GABPB1: variants seen among roughly 807,000 people sequenced by gnomAD.
GABPB1 encodes GA binding protein transcription factor subunit beta 1, also known as GA-binding protein subunit beta-1.
Under a neutral mutation model 45.9 loss-of-function variants are expected in GABPB1, and 15 were observed. The observed-to-expected ratio is 0.33, with a 90% CI of 0.22 to 0.50. GABPB1 has a LOEUF of 0.50. GABPB1 is among the 20% of genes least tolerant of loss of function. The pLI is 0.98. For synonymous variants in GABPB1, 143 were observed against 154.4 expected (o/e 0.93, Z 0.55); for missense variants, 252 against 457.5 (o/e 0.55, Z 4.10).
intron 1 of GABPB1, among the ~76,000 whole-genome samples, chr15:50,326,982 C>A (rs1372441616): frequency 6.6e-6 from 1 of 152,184 alleles, no homozygotes. Flanking sequence ...GAAGGGGGCC[C>A]ATGGATTTTA....
At chr15:50,335,993 G>A (rs2048110700) in intron 1 of GABPB1, among the ~76,000 whole-genome samples, 2 of 151,260 alleles carry the variant, frequency 1.3e-5, no homozygotes. Context: ...ATGTACAGCT[G>A]ACCCTTTAAC....
At chr15:50,296,904 T>A (rs1335070518) in intron 6 of GABPB1, among the ~76,000 whole-genome samples, 2 of 141,184 alleles carry the variant, frequency 1.4e-5, no homozygotes, top group East Asian at 3.9e-4. Flanking sequence ...TTAACTTAAT[T>A]CTTTTTTTTT....
At chr15:50,320,463 A>C (rs1972700) in intron 1 of GABPB1, among the ~76,000 whole-genome samples, 74,865 of 151,868 alleles carry the variant, frequency 0.49, 19,503 homozygotes, top group Middle Eastern at 0.65. Context: ...CCACCACTCA[A>C]AGGCAATCCT....
At chr15:50,304,221 T>A in intron 2 of GABPB1, 88 bp from the exon 3 acceptor site, 1 of 1,092,750 alleles carries the variant, frequency 9.2e-7, no homozygotes, top group Non-Finnish European at 1.2e-6. Flanking sequence ...CTTTACATTA[T>A]CTGTTTACAT....
chr15:50,301,716 C>T (rs1168675661), intron 4 of GABPB1, among the ~76,000 whole-genome samples: 1 of 151,950 alleles, frequency 6.6e-6, no homozygotes, highest in Non-Finnish European at 1.5e-5. Flanking sequence ...GTGGTTAAGC[C>T]CAGGAGTTCA....
At position 50,277,368 on chromosome 15, in the gene GABPB1, C is replaced by T. The variant is rs1244191494; in HGVS notation, c.*1264G>A. 6.7e-6 allele frequency: 1 copy of T among 148,964 alleles called. No homozygotes were observed. The highest frequency in any genetic ancestry group is 2.0e-4 in the East Asian group (1 of 5,112). 9.2% of individuals were successfully genotyped at this position (148,964 alleles called of 1,614,324 possible). A position where few individuals can be genotyped will look rare whatever the true frequency, so the allele number is the denominator to read the frequency against. ...AACCTAGAGGGATTTCAGGGTTAAACAGTTCATAAAGCAATAAAACACTGA... is the reference window on the plus strand; with the variant it reads ...AACCTAGAGGGATTTCAGGGTTAAATAGTTCATAAAGCAATAAAACACTGA... On this transcript the variant is annotated 3_prime_UTR_variant, in exon 9 of 9. Transcript: ENST00000380877.
chr15:50,281,371 T>C (rs981187324), intron 8 of GABPB1, among the ~76,000 whole-genome samples: 13 of 132,574 alleles, frequency 9.8e-5, no homozygotes, highest in African/African-American at 1.5e-4. Flanking sequence ...GCCACCATGC[T>C]CAGCTAATTT....
intron 8 of GABPB1, chr15:50,282,230 T>C (rs2045999467): frequency 2.2e-6 from 1 of 449,054 alleles, no homozygotes; most frequent in South Asian, 1.6e-5. Context: ...CAAACATACA[T>C]ACATACATAA....
intron 7 of GABPB1, among the ~76,000 whole-genome samples, chr15:50,286,901 T>G (rs2046179514): frequency 6.6e-6 from 1 of 152,194 alleles, no homozygotes; most frequent in Non-Finnish European, 1.5e-5. Context: ...TGCGAAGCCA[T>G]TTTAATAATC....
intron 1 of GABPB1, among the ~76,000 whole-genome samples, chr15:50,321,526 T>C (rs974681030): frequency 2.0e-5 from 3 of 152,294 alleles, no homozygotes; most frequent in Non-Finnish European, 2.9e-5. Context: ...TTATCGCTTT[T>C]AAAGTCTGCA....
chr15:50,292,644 G>A (rs1040952374), intron 6 of GABPB1, among the ~76,000 whole-genome samples: 2 of 152,098 alleles, frequency 1.3e-5, no homozygotes, highest in African/African-American at 2.4e-5. Context: ...GACTATACAC[G>A]ACATTTGGAG....
At chr15:50,300,253 C>T (rs1161922439) in intron 6 of GABPB1, among the ~76,000 whole-genome samples, 7 of 151,974 alleles carry the variant, frequency 4.6e-5, no homozygotes, top group Non-Finnish European at 1.0e-4. Flanking sequence ...AGATTCACAG[C>T]TTCCTATTAA....
chr15:50,280,920 A>G (rs1363578689), intron 8 of GABPB1, among the ~76,000 whole-genome samples: 1 of 152,202 alleles, frequency 6.6e-6, no homozygotes, highest in East Asian at 1.9e-4. Flanking sequence ...ATTAACATTT[A>G]GAGTCAGGAA....
At chr15:50,321,157 G>A (rs924722108) in intron 1 of GABPB1, among the ~76,000 whole-genome samples, 5 of 152,118 alleles carry the variant, frequency 3.3e-5, no homozygotes, top group East Asian at 1.9e-4. Flanking sequence ...CAATACACAC[G>A]AGTTAGCATT....
intron 8 of GABPB1, among the ~76,000 whole-genome samples, chr15:50,285,315 C>A (rs2046116730): frequency 6.6e-6 from 1 of 152,094 alleles, no homozygotes. Flanking sequence ...AGATTCCTTG[C>A]CTCAATGCTA....
chr15:50,339,766 C>T (rs2048284061), intron 1 of GABPB1, among the ~76,000 whole-genome samples: 1 of 152,114 alleles, frequency 6.6e-6, no homozygotes, highest in Admixed American at 6.5e-5. Context: ...ATCTAAAGTA[C>T]ATAAATTATA....
chr15:50,330,443 T>C (rs1273380418), intron 1 of GABPB1, among the ~76,000 whole-genome samples: 1 of 152,216 alleles, frequency 6.6e-6, no homozygotes, highest in African/African-American at 2.4e-5. Flanking sequence ...TGAGTCCCTC[T>C]ATCAACTGCC....
intron 1 of GABPB1, among the ~76,000 whole-genome samples, chr15:50,317,430 AAAC>A (rs2047377785): frequency 6.6e-6 from 1 of 151,122 alleles, no homozygotes; most frequent in Non-Finnish European, 1.5e-5. Flanking sequence ...AGAAAAAAAA[AAAC>A]CACTTGGAAA....
At chr15:50,305,305 G>A (rs12912121) in intron 2 of GABPB1, among the ~76,000 whole-genome samples, 11 of 147,046 alleles carry the variant, frequency 7.5e-5, no homozygotes, top group Non-Finnish European at 3.0e-5. Context: ...TATAGATAGA[G>A]AGATAGATAT....
Sources: gnomAD v4.1 joint callset for allele counts (sites outside exome capture counted in the v4.1 genomes callset) on GRCh38, gnomAD v4.1.1 for gene constraint, MANE v1.5 for transcripts, NCBI Gene and HGNC (gene_info 2026-07-23, HGNC 2026-07-21) for gene names.